KAZN: variants seen among roughly 807,000 people sequenced by gnomAD.
KAZN encodes the protein kazrin, periplakin interacting protein.
In KAZN, 40 loss-of-function variants were observed where a neutral mutation model predicts 87.4. That is an observed-to-expected ratio of 0.46 (90% CI 0.36 to 0.60). KAZN has a LOEUF of 0.60. Among genes scored for constraint, KAZN ranks in the 20% least tolerant of loss-of-function variants. The pLI is 0.00. For synonymous variants in KAZN, 466 were observed against 458.3 expected (o/e 1.02, Z -0.22); for missense variants, 898 against 1,073.9 (o/e 0.84, Z 2.29).
chr1:14,066,132 A>C (rs4661469), intron 1 of KAZN, among the ~76,000 whole-genome samples: 23,948 of 152,174 alleles, frequency 0.16, 2,561 homozygotes, highest in Admixed American at 0.31. Context: ...CTCCAGCTAC[A>C]TCCAAGTTGC....
chr1:14,489,436 T>C (rs564199543), intron 2 of KAZN, among the ~76,000 whole-genome samples: 15 of 152,264 alleles, frequency 9.9e-5, no homozygotes, highest in Non-Finnish European at 1.8e-4. Flanking sequence ...GTAAATTGAA[T>C]ACACCGTTTT....
chr1:15,080,429 G>A (rs973487163), intron 8 of KAZN, among the ~76,000 whole-genome samples: 2 of 151,984 alleles, frequency 1.3e-5, no homozygotes, highest in African/African-American at 4.8e-5. Flanking sequence ...CTGCCACCTC[G>A]CTGCCCACCA....
chr1:14,457,096 A>C (rs1429285338), intron 2 of KAZN, among the ~76,000 whole-genome samples: 1 of 152,130 alleles, frequency 6.6e-6, no homozygotes, highest in African/African-American at 2.4e-5. Flanking sequence ...CAAACAAACA[A>C]AAAGAAGCAT....
intron 2 of KAZN, among the ~76,000 whole-genome samples, chr1:14,377,754 AC>A (rs1175798577): frequency 1.2e-4 from 19 of 152,278 alleles, no homozygotes; most frequent in African/African-American, 4.3e-4. Context: ...TATAGTGATG[AC>A]CTACCTTGTT....
In KAZN at chr1:14,834,008, CAT is replaced by C. The variant is rs1468408030; in HGVS notation, c.227-126674_227-126673del. ...ACACACACACACACACACACACACA[CAT>C]ACACACACATACATACATATATATT... On this transcript the variant is annotated intron_variant, in intron 1 of 14. Coordinates refer to ENST00000376030, the MANE Select transcript of KAZN (RefSeq NM_201628.3). Among the ~76,000 whole-genome samples the C allele has an allele frequency of 3.4e-3, 435 of 126,396 alleles. 3 individuals carry two copies. Among genetic ancestry groups the C allele is most frequent in the African/African-American group, 4.0e-3 (147 of 36,902 alleles). 82.9% of individuals were successfully genotyped at this position (126,396 alleles called of 152,430 possible).
chr1:14,005,303 C>T (rs1193633399), intron 1 of KAZN, among the ~76,000 whole-genome samples: 1 of 152,130 alleles, frequency 6.6e-6, no homozygotes, highest in Non-Finnish European at 1.5e-5. Flanking sequence ...AAATTAGGTT[C>T]AAGACAGACT....
intron 8 of KAZN, among the ~76,000 whole-genome samples, chr1:15,075,893 G>T (rs1222428202): frequency 2.0e-5 from 3 of 152,234 alleles, no homozygotes; most frequent in African/African-American, 7.2e-5. Context: ...TGCTGCCAGG[G>T]TGTCTGGCCC....
At position 14,820,223 on chromosome 1, in the gene KAZN, G is replaced by A. The variant is rs1646699676; in HGVS notation, c.227-140461G>A. ...TTCACACAGAGGGGCTGGTGCTGCT[G>A]GTCAAAGATCACCATTAGAGCAATG... On this transcript the variant is annotated intron_variant, in intron 1 of 14. Transcript: ENST00000376030. The surrounding 1 kb of genome is among the most constrained non-coding windows in gnomAD (Gnocchi z 4.1). Among the ~76,000 whole-genome samples, 1 of 152,194 alleles carries A rather than the reference G, an allele frequency of 6.6e-6. No homozygotes were observed. The highest frequency in any genetic ancestry group is 1.5e-5 in the Non-Finnish European group (1 of 68,036).
chr1:14,298,463 A>G (rs925561875), intron 2 of KAZN, among the ~76,000 whole-genome samples: 2 of 152,246 alleles, frequency 1.3e-5, no homozygotes, highest in Non-Finnish European at 2.9e-5. Context: ...AACACAATGC[A>G]GTTCTTTTCC....
At chr1:14,652,919 C>A (rs1353421399) in intron 1 of KAZN, among the ~76,000 whole-genome samples, 1 of 151,954 alleles carries the variant, frequency 6.6e-6, no homozygotes, top group Non-Finnish European at 1.5e-5. Flanking sequence ...TGGCATCTGG[C>A]AGGTGGAGTC....
In KAZN at chr1:15,103,431, C is replaced by T. The variant is rs1013409114; in HGVS notation, c.1852C>T (p.Leu618Phe). Residue 618 changes from leucine to phenylalanine, a missense_variant, in exon 12 of 15, where the codon CTC becomes TTC. Physicochemically the swap from Leu to Phe is conservative, Grantham distance 22. This residue lies in a region of KAZN where 521 missense variants were observed against 689.4 expected (regional missense o/e 0.76). Transcript: ENST00000376030. ...CGTGGTGTGGACCAACCAGCGGGTGCTCAAGTGGGTTCGAGACATCGACCT... is the reference window on the plus strand; with the variant it reads ...CGTGGTGTGGACCAACCAGCGGGTGTTCAAGTGGGTTCGAGACATCGACCT... ...DPVVWTNQRV[L>F]KWVRDIDLKE... 8 of 1,551,016 alleles carry T rather than the reference C, an allele frequency of 5.2e-6. No individual in the cohort carries two copies. The highest frequency in any genetic ancestry group is 7.0e-6 in the Non-Finnish European group (8 of 1,147,496).
intron 8 of KAZN, among the ~76,000 whole-genome samples, chr1:15,074,737 C>G (rs1483386496): frequency 6.6e-6 from 1 of 152,188 alleles, no homozygotes; most frequent in Non-Finnish European, 1.5e-5. Context: ...GGCAAACTCC[C>G]TGGGTTTCAA....
At chr1:14,252,154 C>A (rs1179220280) in intron 2 of KAZN, among the ~76,000 whole-genome samples, 2 of 152,178 alleles carry the variant, frequency 1.3e-5, no homozygotes, top group Non-Finnish European at 2.9e-5. Flanking sequence ...ATGCTTTTAT[C>A]TATAAATGTG....
At chr1:14,938,344 C>A (rs1660684791) in intron 1 of KAZN, among the ~76,000 whole-genome samples, 1 of 152,126 alleles carries the variant, frequency 6.6e-6, no homozygotes, top group Non-Finnish European at 1.5e-5. Context: ...GAGTTCGAGA[C>A]CAGCCTGGCC....
chr1:15,080,736 C>T (rs1376422054), intron 8 of KAZN, among the ~76,000 whole-genome samples: 1 of 152,234 alleles, frequency 6.6e-6, no homozygotes, highest in Non-Finnish European at 1.5e-5. Context: ...CCTGCCACTT[C>T]CCAAGGGCAG....
intron 2 of KAZN, among the ~76,000 whole-genome samples, chr1:14,418,707 T>C (rs1406581589): frequency 6.6e-6 from 1 of 152,202 alleles, no homozygotes; most frequent in Non-Finnish European, 1.5e-5. Context: ...AGCAACTTTT[T>C]GTCTATGATC....
At chr1:14,485,615 A>G (rs775590833) in intron 2 of KAZN, among the ~76,000 whole-genome samples, 1 of 152,112 alleles carries the variant, frequency 6.6e-6, no homozygotes, top group South Asian at 2.1e-4. Context: ...GTGGATCTGG[A>G]CCTGCGTGGT....
chr1:14,469,875 T>G (rs766775549), intron 2 of KAZN, among the ~76,000 whole-genome samples: 2 of 143,558 alleles, frequency 1.4e-5, no homozygotes, highest in African/African-American at 3.0e-5. Flanking sequence ...AGGTTAGCTC[T>G]TCTTTATCGG....
At chr1:13,936,286 G>T (rs888664414) in intron 1 of KAZN, among the ~76,000 whole-genome samples, 20 of 151,182 alleles carry the variant, frequency 1.3e-4, no homozygotes, top group Non-Finnish European at 2.2e-4. Flanking sequence ...ATATTTAGTA[G>T]AGACAGAGTT....
Sources: allele counts gnomAD v4.1 joint callset (sites outside exome capture counted in the v4.1 genomes callset), GRCh38; gene constraint gnomAD v4.1.1; regional missense constraint gnomAD v4.1.1; non-coding constraint Gnocchi (gnomAD v3.1); transcripts MANE v1.5; gene names NCBI Gene and HGNC (gene_info 2026-07-23, HGNC 2026-07-21).